The following COX7B2 variants were observed in gnomAD, a reference collection of about 807,000 sequenced individuals.
COX7B2 encodes cytochrome c oxidase subunit 7B2, also known as cytochrome c oxidase subunit 7B2, mitochondrial.
For missense variants in COX7B2, 109 were observed against 95.9 expected, an observed-to-expected ratio of 1.14 and a Z score of -0.57; for synonymous variants, 37 against 32.1, an observed-to-expected ratio of 1.15 and a Z score of -0.51.
intron 2 of COX7B2, among the ~76,000 whole-genome samples, chr4:46,754,726 G>GTATATATATATATA (rs1228184530): frequency 1.3e-4 from 6 of 46,134 alleles, no homozygotes; most frequent in Admixed American, 3.6e-4. Context: ...GTGTGTGTGT[G>GTATATATATATATA]TGTATATATA....
intron 2 of COX7B2, among the ~76,000 whole-genome samples, chr4:46,787,031 C>T (rs1375014317): frequency 6.6e-6 from 1 of 152,198 alleles, no homozygotes; most frequent in African/African-American, 2.4e-5. Context: ...TTTCTTCCAT[C>T]TTCTGAGCAC....
At chr4:46,772,733 A>C (rs1716944539) in intron 2 of COX7B2, among the ~76,000 whole-genome samples, 1 of 152,072 alleles carries the variant, frequency 6.6e-6, no homozygotes, top group Non-Finnish European at 1.5e-5. Context: ...TTTTCTTTCA[A>C]CTTATGCAGG....
chr4:46,815,156 ACAGATCGAGAC>A (rs1719485273), intron 2 of COX7B2, among the ~76,000 whole-genome samples: 1 of 151,590 alleles, frequency 6.6e-6, no homozygotes, highest in Non-Finnish European at 1.5e-5. Context: ...AGCCTAGGCG[ACAGATCGAGAC>A]TCTGTCTCAA....
chr4:46,857,189 T>C (rs1717055319), intron 1 of COX7B2, among the ~76,000 whole-genome samples: 1 of 152,130 alleles, frequency 6.6e-6, no homozygotes, highest in Non-Finnish European at 1.5e-5. Flanking sequence ...GCTTTGTAAC[T>C]CGACAAGTTA....
At chr4:46,767,933 G>A (rs1716640899) in intron 2 of COX7B2, among the ~76,000 whole-genome samples, 1 of 152,260 alleles carries the variant, frequency 6.6e-6, no homozygotes, top group Non-Finnish European at 1.5e-5. Flanking sequence ...TCCCTTATGG[G>A]AGGGGGAGCA....
intron 1 of COX7B2, among the ~76,000 whole-genome samples, chr4:46,846,515 G>C (rs533389941): frequency 3.3e-5 from 5 of 152,078 alleles, no homozygotes; most frequent in Non-Finnish European, 7.4e-5. Context: ...AAGGCCATGA[G>C]GGAGGTGAGG....
At chr4:46,755,666 C>A (rs191784954) in intron 2 of COX7B2, among the ~76,000 whole-genome samples, 1 of 151,856 alleles carries the variant, frequency 6.6e-6, no homozygotes, top group East Asian at 1.9e-4. Flanking sequence ...TTTCTATACA[C>A]GAATAATAAT....
chr4:46,736,863 A>G (rs1560341450), intron 2 of COX7B2, among the ~76,000 whole-genome samples: 1 of 152,206 alleles, frequency 6.6e-6, no homozygotes, highest in African/African-American at 2.4e-5. Context: ...TTACTGAAGG[A>G]CATCTTGATT....
intron 2 of COX7B2, among the ~76,000 whole-genome samples, chr4:46,752,592 T>C (rs7441961): frequency 0.33 from 49,709 of 151,942 alleles, 8,387 homozygotes; most frequent in South Asian, 0.47. Context: ...AGATACATCC[T>C]ATCAATACCT....
chr4:46,844,157 G>A (rs1395841295), intron 2 of COX7B2, among the ~76,000 whole-genome samples: 1 of 151,852 alleles, frequency 6.6e-6, no homozygotes, highest in East Asian at 1.9e-4. Flanking sequence ...AAAAGAAATT[G>A]TTCACAGCAA....
intron 2 of COX7B2, among the ~76,000 whole-genome samples, chr4:46,742,688 A>G (rs1230553059): frequency 6.6e-6 from 1 of 152,184 alleles, no homozygotes; most frequent in African/African-American, 2.4e-5. Context: ...AAACAAACAG[A>G]AAGGCAGATT....
chr4:46,781,858 C>G (rs2109553755), intron 2 of COX7B2, among the ~76,000 whole-genome samples: 1 of 152,346 alleles, frequency 6.6e-6, no homozygotes. Context: ...GGTCCCTCAG[C>G]ATTACCTGCC....
At chr4:46,753,096 C>A (rs1252870722) in intron 2 of COX7B2, among the ~76,000 whole-genome samples, 1 of 152,044 alleles carries the variant, frequency 6.6e-6, no homozygotes, top group East Asian at 1.9e-4. Flanking sequence ...AATTTCAGAG[C>A]CTGTTATCGG....
chr4:46,849,189 A>G (rs1210645867), intron 1 of COX7B2, among the ~76,000 whole-genome samples: 3 of 152,038 alleles, frequency 2.0e-5, no homozygotes, highest in African/African-American at 4.8e-5. Flanking sequence ...AAGTGCTAGT[A>G]ATACAACTCT....
chr4:46,879,656 T>TC (rs762885037), intron 1 of COX7B2, among the ~76,000 whole-genome samples: 3 of 151,948 alleles, frequency 2.0e-5, no homozygotes, highest in Non-Finnish European at 4.4e-5. Context: ...TTATTGTACC[T>TC]CTTCAATACA....
Position 46,856,542 on chromosome 4 carries a change from C to T in COX7B2, c.-104-11528G>A, listed in dbSNP as rs145535064. 2.2e-4 allele frequency among the ~76,000 whole-genome samples: 34 copies of T among 152,226 alleles called. 1 individual carries two copies. In the East Asian group the frequency reaches 6.6e-3, roughly 29 times the overall value. ...CCAGTTTCTATTCTTTGGTTTCCTC[C>T]CATAGTGACTCATTCAGTACAGGAT... On this transcript the variant is annotated intron_variant, in intron 1 of 2. Transcript: ENST00000355591.
At chr4:46,778,988 T>C (rs1717301169) in intron 2 of COX7B2, among the ~76,000 whole-genome samples, 1 of 152,166 alleles carries the variant, frequency 6.6e-6, no homozygotes, top group South Asian at 2.1e-4. Context: ...TCTTGCAATT[T>C]AGATACTGAA....
chr4:46,880,838 T>C (rs1388133980), intron 1 of COX7B2, among the ~76,000 whole-genome samples: 1 of 74,282 alleles, frequency 1.3e-5, no homozygotes, highest in African/African-American at 5.2e-5. Context: ...CTCTGGGGAC[T>C]GTGGTGGGGT....
At chr4:46,760,402 T>TTGGAGGGAGA (rs1328111763) in intron 2 of COX7B2, among the ~76,000 whole-genome samples, 1 of 152,156 alleles carries the variant, frequency 6.6e-6, no homozygotes, top group African/African-American at 2.4e-5. Flanking sequence ...TTCATGTCCT[T>TTGGAGGGAGA]TGGAGGGAGA....
Sources: gnomAD v4.1 joint callset for allele counts (sites outside exome capture counted in the v4.1 genomes callset) on GRCh38, gnomAD v4.1.1 for gene constraint, MANE v1.5 for transcripts, NCBI Gene and HGNC (gene_info 2026-07-23, HGNC 2026-07-21) for gene names.